Variants in CSNK2A2 observed in about 807,000 individuals in gnomAD.
CSNK2A2 encodes the protein casein kinase 2 alpha 2, also known as casein kinase II subunit alpha'.
A neutral mutation model predicts 54.0 loss-of-function variants in CSNK2A2; 8 were observed. The ratio of observed to expected loss-of-function variants is 0.15; its 90% CI spans 0.09 to 0.27. The LOEUF (loss-of-function observed/expected upper bound fraction) is 0.27, where lower values mean the gene tolerates loss of function less well. Ranked by LOEUF, CSNK2A2 falls within the 10% of genes least tolerant of loss-of-function variation. The pLI is 1.00. For synonymous variants in CSNK2A2, 141 were observed against 153.9 expected (o/e 0.92, Z 0.62); for missense variants, 242 against 439.4 (o/e 0.55, Z 4.02).
At chr16:58,167,843 C>G (rs1227332644) in intron 6 of CSNK2A2, 48 bp from the exon 7 acceptor site, 4 of 1,457,620 alleles carry the variant, frequency 2.7e-6, no homozygotes, top group Non-Finnish European at 3.9e-6. Flanking sequence ...TTTCTAGACG[C>G]CTATGCCTTA....
In CSNK2A2 at chr16:58,167,784, T is replaced by G; in HGVS notation, c.525A>C (p.Ile175=). The G allele has an allele frequency of 6.2e-7, 1 of 1,613,944 alleles. No individual in the cohort carries two copies. The highest frequency in any genetic ancestry group is 8.5e-7 in the Non-Finnish European group (1 of 1,179,832). The change falls in exon 7 of 12, where the codon ATA becomes ATC. Residue 175 remains isoleucine, a synonymous_variant. Coordinates refer to ENST00000262506, the MANE Select transcript of CSNK2A2 (RefSeq NM_001896.4). The part of the protein sequence containing the change: ...IDHQQKKLRL[I]DWGLAEFYHP... ...GATAGAATTCTGCCAGACCCCAATC[T>G]ATCAGTCGCAGCTACAAATAGGACA...
rs1962477136 is a variant in CSNK2A2, at chr16:58,197,129, G to C, written c.105-285C>G. 2.4e-6 allele frequency: 1 copy of C among 410,964 alleles called. No homozygotes were observed. Among genetic ancestry groups the C allele is most frequent in the Non-Finnish European group, 4.5e-6 (1 of 221,702 alleles). The allele number at this position is 410,964 out of a possible 1,614,324, so 25.5% of individuals were successfully genotyped here. The stretch of plus-strand genomic sequence containing the variant: ...GCAAAGCACCCGTCCTGAAGGCCTA[G>C]AGGGTGCCCCCTGTGCCCCGCGGCT... On this transcript the variant is annotated intron_variant, in intron 1 of 11. Coordinates refer to ENST00000262506, the MANE Select transcript of CSNK2A2 (RefSeq NM_001896.4). The surrounding 1 kb of genome is among the most constrained non-coding windows in gnomAD (Gnocchi z 4.0).
chr16:58,179,269 G>A (rs1362271477), intron 4 of CSNK2A2, among the ~76,000 whole-genome samples: 2 of 152,138 alleles, frequency 1.3e-5, no homozygotes, highest in Non-Finnish European at 2.9e-5. Flanking sequence ...GGAGGCCAAG[G>A]TGGGCAGATC....
At chr16:58,193,630 G>C (rs2142452801) in intron 2 of CSNK2A2, among the ~76,000 whole-genome samples, 1 of 152,250 alleles carries the variant, frequency 6.6e-6, no homozygotes, top group African/African-American at 2.4e-5. Flanking sequence ...TACACACACA[G>C]GCAGTATTCA....
intron 11 of CSNK2A2, chr16:58,160,217 A>G (rs1405655374): frequency 1.3e-5 from 2 of 152,158 alleles, no homozygotes; most frequent in African/African-American, 4.8e-5. Context: ...GATCACTGAC[A>G]AACTTTGGCT....
In CSNK2A2 at chr16:58,166,646, C is replaced by T. The variant is rs755336214; in HGVS notation, c.765G>A (p.Leu255=). ...RIAKVLGTEE[L]YGYLKKYHID... ...TGTGATACTTCTTCAGATACCCATACAGTTCTTCTGTACCCAGAACCTTGG... is the reference window on the plus strand; with the variant it reads ...TGTGATACTTCTTCAGATACCCATATAGTTCTTCTGTACCCAGAACCTTGG... The change falls in exon 9 of 12, where the codon CTG becomes CTA. Residue 255 remains leucine (L), a synonymous_variant. Coordinates refer to ENST00000262506, the MANE Select transcript of CSNK2A2 (RefSeq NM_001896.4). 6.2e-6 allele frequency: 10 copies of T among 1,613,950 alleles called. No homozygotes were observed. The highest frequency in any genetic ancestry group is 2.2e-5 in the East Asian group (1 of 44,876).
At chr16:58,171,979 A>ATATATATATATATATATATT (rs1261137669) in intron 5 of CSNK2A2, among the ~76,000 whole-genome samples, 5 of 66,178 alleles carry the variant, frequency 7.6e-5, no homozygotes, top group Non-Finnish European at 9.9e-5. Flanking sequence ...ATATATATAT[A>ATATATATATATATATATATT]TTTTTTTTTT....
intron 11 of CSNK2A2, chr16:58,163,432 CAA>C (rs1353591370): frequency 1.3e-5 from 2 of 152,108 alleles, no homozygotes; most frequent in African/African-American, 4.8e-5. Flanking sequence ...CTCCTGACAT[CAA>C]AGAGGACTCT....
chr16:58,180,250 C>T (rs1053075052), intron 4 of CSNK2A2, among the ~76,000 whole-genome samples: 1 of 151,666 alleles, frequency 6.6e-6, no homozygotes, highest in Non-Finnish European at 1.5e-5. Context: ...GCAATAAAAC[C>T]AAAAAGCTGG....
chr16:58,170,859 A>C (rs138966341), intron 5 of CSNK2A2, among the ~76,000 whole-genome samples: 1,993 of 152,200 alleles, frequency 0.013, 39 homozygotes, highest in Non-Finnish European at 0.017. Flanking sequence ...TTTGCTTCTA[A>C]ATCTCCCTTG....
chr16:58,192,781 C>G (rs2142451539), intron 2 of CSNK2A2: 1 of 152,398 alleles, frequency 6.6e-6, no homozygotes. Context: ...CTCGCATCTA[C>G]CAAGACTTCA....
At chr16:58,183,246 G>C (rs1433249380) in intron 4 of CSNK2A2, among the ~76,000 whole-genome samples, 2 of 151,768 alleles carry the variant, frequency 1.3e-5, no homozygotes, top group Non-Finnish European at 2.9e-5. Context: ...GGGTAGTAGT[G>C]CATGCCTGTA....
chr16:58,192,382 T>C (rs1962339071), intron 2 of CSNK2A2, among the ~76,000 whole-genome samples: 1 of 151,738 alleles, frequency 6.6e-6, no homozygotes, highest in Non-Finnish European at 1.5e-5. Flanking sequence ...GGGATAAAAC[T>C]ATTAAACTAT....
intron 5 of CSNK2A2, among the ~76,000 whole-genome samples, chr16:58,171,979 A>ATT (rs746200172): frequency 2.0e-4 from 13 of 66,188 alleles, no homozygotes; most frequent in East Asian, 5.1e-4. Context: ...ATATATATAT[A>ATT]TTTTTTTTTT....
At chr16:58,178,749 C>T (rs1397856443) in intron 4 of CSNK2A2, among the ~76,000 whole-genome samples, 5 of 152,002 alleles carry the variant, frequency 3.3e-5, no homozygotes, top group African/African-American at 1.2e-4. Context: ...AGAAACTGAC[C>T]AAACCAATAC....
chr16:58,182,388 A>C (rs1190044020), intron 4 of CSNK2A2, among the ~76,000 whole-genome samples: 1 of 144,076 alleles, frequency 6.9e-6, no homozygotes, highest in Non-Finnish European at 1.5e-5. Flanking sequence ...AAAAAAAAAA[A>C]AAAAAAAAAA....
chr16:58,168,203 C>T (rs1875522), intron 6 of CSNK2A2, among the ~76,000 whole-genome samples: 10,131 of 152,054 alleles, frequency 0.067, 409 homozygotes, highest in South Asian at 0.2. Context: ...ATGATTTATT[C>T]GTCTAATACT....
intron 2 of CSNK2A2, among the ~76,000 whole-genome samples, chr16:58,195,876 G>A (rs2142457288): frequency 6.6e-6 from 1 of 152,198 alleles, no homozygotes; most frequent in East Asian, 1.9e-4. Flanking sequence ...TAGCTTATAA[G>A]CAACAATGGC....
intron 8 of CSNK2A2, among the ~76,000 whole-genome samples, chr16:58,166,950 A>T (rs1567463853): frequency 6.6e-6 from 1 of 152,196 alleles, no homozygotes; most frequent in Non-Finnish European, 1.5e-5. Context: ...TAATGACTAA[A>T]ATCTAGTTTT....
Sources: gnomAD v4.1 joint callset for allele counts (sites outside exome capture counted in the v4.1 genomes callset) on GRCh38, gnomAD v4.1.1 for gene constraint, Gnocchi (gnomAD v3.1) non-coding constraint, MANE v1.5 for transcripts, NCBI Gene and HGNC (gene_info 2026-07-23, HGNC 2026-07-21) for gene names.